The following CASC3 variants were observed in gnomAD, a reference collection of about 807,000 sequenced individuals.
CASC3 encodes the protein CASC3 exon junction complex subunit, also known as protein CASC3.
Under a neutral mutation model 80.5 loss-of-function variants are expected in CASC3, and 30 were observed. The observed-to-expected ratio is 0.37, with a 90% confidence interval of 0.28 to 0.51. The LOEUF (loss-of-function observed/expected upper bound fraction) is 0.51. Among genes scored for constraint, CASC3 ranks in the 20% least tolerant of loss-of-function variants. The probability of loss-of-function intolerance (pLI) is 0.94; values close to 1 mark genes in which losing one functional copy is unlikely to be tolerated. For synonymous variants in CASC3, 312 were observed against 333.6 expected (o/e 0.94, Z 0.70); for missense variants, 824 against 922.2 (o/e 0.89, Z 1.38).
In CASC3 at chr17:40,153,437, A is replaced by G. The variant is rs142098113; in HGVS notation, c.298-8316A>G. 4.7e-3 allele frequency among the ~76,000 whole-genome samples: 717 copies of G among 152,298 alleles called. 2 individuals are homozygous for G. Among genetic ancestry groups the G allele is most frequent in the Admixed American group, 8.4e-3 (128 of 15,284 alleles). On this transcript the variant is annotated intron_variant, in intron 3 of 13. Coordinates refer to ENST00000264645, the MANE Select transcript of CASC3 (RefSeq NM_007359.5). ...AGCTTATTTCCATCTTTTGGTTATT[A>G]TGAATAATTCTGCTACAAACATTAG...
At position 40,171,636 on chromosome 17, in the gene CASC3, C is replaced by A; in HGVS notation, c.*1231C>A. Reference sequence around the variant, plus strand: ...TGGGCAAGGGCTCCTATCTTTCCTCCCTATCCATGGCACTAAACCACTTCT... The same window carrying A: ...TGGGCAAGGGCTCCTATCTTTCCTCACTATCCATGGCACTAAACCACTTCT... On this transcript the variant is annotated 3_prime_UTR_variant, in exon 14 of 14. Coordinates refer to ENST00000264645, the MANE Select transcript of CASC3 (RefSeq NM_007359.5). The A allele has an allele frequency of 1.0e-6, 1 of 996,526 alleles. No individual in the cohort carries two copies. The highest frequency in any genetic ancestry group is 1.2e-6 in the Non-Finnish European group (1 of 836,358). The allele number at this position is 996,526 out of a possible 1,614,324, so 61.7% of individuals were successfully genotyped here. A position where few individuals can be genotyped will look rare whatever the true frequency, so the allele number is the denominator to read the frequency against.
chr17:40,163,423 C>T (rs936508933), intron 6 of CASC3, 58 bp from the exon 7 acceptor site: 3 of 1,470,270 alleles, frequency 2.0e-6, no homozygotes, highest in South Asian at 1.3e-5. Flanking sequence ...GCCTGAGCCA[C>T]CGCGCGTAGC....
intron 3 of CASC3, 81 bp downstream of exon 3, chr17:40,141,688 C>A: frequency 1.0e-6 from 1 of 987,394 alleles, no homozygotes; most frequent in Non-Finnish European, 1.6e-6. Flanking sequence ...TGCAAACGTA[C>A]CATGACCTCC....
intron 3 of CASC3, among the ~76,000 whole-genome samples, chr17:40,143,454 T>G (rs1296407917): frequency 6.6e-6 from 1 of 151,198 alleles, no homozygotes; most frequent in South Asian, 2.1e-4. Context: ...CTCAGAAAAT[T>G]TAAAAAATAA....
intron 3 of CASC3, among the ~76,000 whole-genome samples, chr17:40,144,658 CTTT>C (rs939136950): frequency 2.5e-5 from 3 of 119,110 alleles, no homozygotes; most frequent in Non-Finnish European, 3.5e-5. Context: ...GCCCAGCCCT[CTTT>C]TTTTTTTTTT....
At chr17:40,153,281 C>T (rs1989057237) in intron 3 of CASC3, among the ~76,000 whole-genome samples, 1 of 152,070 alleles carries the variant, frequency 6.6e-6, no homozygotes, top group South Asian at 2.1e-4. Flanking sequence ...TAGCATAGTT[C>T]CGTCTAGGTT....
intron 3 of CASC3, among the ~76,000 whole-genome samples, chr17:40,145,464 G>A (rs780138259): frequency 2.0e-5 from 3 of 152,088 alleles, no homozygotes; most frequent in Non-Finnish European, 4.4e-5. Flanking sequence ...GAGCTACTGC[G>A]CCTGGCCCAA....
intron 8 of CASC3, chr17:40,167,292 G>A (rs1006537459): frequency 3.4e-6 from 2 of 584,296 alleles, no homozygotes; most frequent in Admixed American, 6.3e-5. Context: ...GATTATGCAT[G>A]TTTCTTTTAA....
At chr17:40,153,141 T>C (rs759213028) in intron 3 of CASC3, among the ~76,000 whole-genome samples, 1 of 152,162 alleles carries the variant, frequency 6.6e-6, no homozygotes, top group Non-Finnish European at 1.5e-5. Context: ...AACTGAAGTT[T>C]TATATCCTTT....
intron 5 of CASC3, 146 bp downstream of exon 5, chr17:40,162,299 T>C: frequency 2.1e-6 from 2 of 930,980 alleles, no homozygotes; most frequent in Admixed American, 3.0e-5. Flanking sequence ...AAAGTAGGCT[T>C]AGAATATTTG....
chr17:40,144,570 C>T (rs181493431), intron 3 of CASC3, among the ~76,000 whole-genome samples: 7 of 151,088 alleles, frequency 4.6e-5, no homozygotes, highest in Admixed American at 2.6e-4. Context: ...GTCATGAACT[C>T]GTGAACTCAG....
chr17:40,171,170 G>A lies in CASC3; in HGVS notation c.*765G>A. 3 of 986,018 alleles carry A rather than the reference G, an allele frequency of 3.0e-6. No individual in the cohort carries two copies. In the South Asian group the frequency reaches 1.4e-4, roughly 46 times the overall value. 61.1% of individuals were successfully genotyped at this position (986,018 alleles called of 1,614,324 possible). ...TTGACTTAGGTTTTTAGGAGTCTGA[G>A]CATCCATCAATACCTGTACTATGAT... is the stretch of plus-strand genomic sequence containing the variant. On this transcript the variant is annotated 3_prime_UTR_variant, in exon 14 of 14. Transcript: ENST00000264645.
In CASC3 at chr17:40,143,185, C is replaced by G. The variant is rs188134451; in HGVS notation, c.297+1578C>G. Among the ~76,000 whole-genome samples, 34 of 152,278 alleles carry G rather than the reference C, an allele frequency of 2.2e-4. No homozygotes were observed. In the East Asian group the frequency reaches 5.8e-3, roughly 26 times the overall value. ...TCTAAACCCAGCGCGATGGCTCACA[C>G]CTGTAATCCCAGCACTGTGGGAGGC... is the stretch of plus-strand genomic sequence containing the variant. On this transcript the variant is annotated intron_variant, in intron 3 of 13. Coordinates refer to ENST00000264645, the MANE Select transcript of CASC3 (RefSeq NM_007359.5).
At chr17:40,153,455 A>G (rs1989063476) in intron 3 of CASC3, among the ~76,000 whole-genome samples, 1 of 152,210 alleles carries the variant, frequency 6.6e-6, no homozygotes, top group African/African-American at 2.4e-5. Context: ...TTCTGCTACA[A>G]ACATTAGTGT....
At chr17:40,168,839 C>T (rs980370044) in intron 11 of CASC3, 1 of 222,818 alleles carries the variant, frequency 4.5e-6, no homozygotes, top group Non-Finnish European at 9.1e-6. Context: ...ATCCACCTGC[C>T]TCGGCCTCCG....
chr17:40,151,394 T>A (rs1457971794), intron 3 of CASC3, among the ~76,000 whole-genome samples: 2 of 152,020 alleles, frequency 1.3e-5, no homozygotes, highest in South Asian at 2.1e-4. Flanking sequence ...GTATTTTTAG[T>A]AGAGATGGAA....
chr17:40,162,735 C>T lies in CASC3; in HGVS notation c.619C>T (p.Arg207Cys), dbSNP rs1204894356. The T allele has an allele frequency of 3.7e-6, 6 of 1,613,488 alleles. No homozygotes were observed. Among genetic ancestry groups the T allele is most frequent in the Admixed American group, 1.7e-5 (1 of 59,974 alleles). Reference protein sequence around the residue: ...TQEEEVRPKGRQRKLWKDEGR... With the variant: ...TQEEEVRPKGCQRKLWKDEGR... ...CTTCATTTTATCCAGACCCAAGGGG[C>T]GTCAGCGAAAGCTATGGAAGGATGA... is the stretch of plus-strand genomic sequence containing the variant. Residue 207 changes from arginine to cysteine, a missense_variant, in exon 6 of 14, where the codon CGT becomes TGT. By Grantham distance (180) the Arg-to-Cys change is radical. Transcript: ENST00000264645.
At chr17:40,162,580 C>A in intron 5 of CASC3, 145 bp from the exon 6 acceptor site, 1 of 708,858 alleles carries the variant, frequency 1.4e-6, no homozygotes, top group South Asian at 2.0e-5. Flanking sequence ...TTTGGGGAGG[C>A]CTGTTTTTTA....
intron 3 of CASC3, among the ~76,000 whole-genome samples, chr17:40,142,878 G>T (rs1035156369): frequency 4.6e-5 from 7 of 151,818 alleles, no homozygotes; most frequent in Non-Finnish European, 1.0e-4. Flanking sequence ...TCCAGCCTGG[G>T]TGACAGAGCA....
Sources: allele counts gnomAD v4.1 joint callset (sites outside exome capture counted in the v4.1 genomes callset), GRCh38; gene constraint gnomAD v4.1.1; transcripts MANE v1.5; gene names NCBI Gene and HGNC (gene_info 2026-07-23, HGNC 2026-07-21).